The following HSPBAP1 variants were observed in gnomAD, a reference collection of about 807,000 sequenced individuals.
HSPBAP1 encodes the protein HSPB1 associated protein 1, also known as HSPB1-associated protein 1.
Under a neutral mutation model 45.2 loss-of-function variants are expected in HSPBAP1, and 27 were observed. The observed-to-expected ratio is 0.60, with a 90% CI of 0.44 to 0.82. HSPBAP1 has a LOEUF of 0.82. HSPBAP1 is among the 40% of genes least tolerant of loss of function. The pLI, the probability that HSPBAP1 is intolerant of heterozygous loss-of-function variation, is 0.00. For missense variants in HSPBAP1, 510 were observed against 590.9 expected (o/e 0.86, Z 1.42); for synonymous variants, 204 against 202.7 (o/e 1.01, Z -0.06).
At chr3:122,762,512 T>C (rs564400761) in intron 3 of HSPBAP1, among the ~76,000 whole-genome samples, 12 of 152,310 alleles carry the variant, frequency 7.9e-5, no homozygotes, top group African/African-American at 2.4e-4. Context: ...AAGGCTAATA[T>C]TGGGCCTCCC....
At chr3:122,762,349 T>A (rs1934623166) in intron 3 of HSPBAP1, among the ~76,000 whole-genome samples, 1 of 152,066 alleles carries the variant, frequency 6.6e-6, no homozygotes, top group African/African-American at 2.4e-5. Context: ...CTTTACTTTG[T>A]CAACAGCCCT....
In HSPBAP1 at chr3:122,750,960, T is replaced by C. The variant is rs150296265; in HGVS notation, c.825+1631A>G. Among the ~76,000 whole-genome samples, 403 of 152,338 alleles carry C rather than the reference T, an allele frequency of 2.6e-3. 4 individuals are homozygous for C. The highest frequency in any genetic ancestry group is 8.6e-3 in the African/African-American group (357 of 41,578). On this transcript the variant is annotated intron_variant, in intron 6 of 7. Coordinates refer to ENST00000306103, the MANE Select transcript of HSPBAP1 (RefSeq NM_024610.6). Reference sequence around the variant, plus strand: ...CTGGATTTAGAATTAAAATCAGCTTTATAGGTACAGGATAGGATTCAACCT... The same window carrying C: ...CTGGATTTAGAATTAAAATCAGCTTCATAGGTACAGGATAGGATTCAACCT...
chr3:122,755,661 A>T (rs985052213), intron 4 of HSPBAP1, among the ~76,000 whole-genome samples: 31 of 150,846 alleles, frequency 2.1e-4, no homozygotes, highest in Non-Finnish European at 4.0e-4. Flanking sequence ...TGGATGTCTC[A>T]GGACATCCAT....
chr3:122,754,819 G>C, intron 5 of HSPBAP1: 1 of 987,286 alleles, frequency 1.0e-6, no homozygotes, highest in Non-Finnish European at 1.2e-6. Flanking sequence ...AAACATTCTC[G>C]GTTCCTTCTG....
intron 1 of HSPBAP1, among the ~76,000 whole-genome samples, chr3:122,790,361 C>CT (rs1560175269): frequency 6.6e-6 from 1 of 152,190 alleles, no homozygotes; most frequent in Admixed American, 6.5e-5. Context: ...ATTATTTCTA[C>CT]TTTAGTAGAA....
chr3:122,755,130 G>T, intron 5 of HSPBAP1, 130 bp downstream of exon 5: 1 of 1,198,950 alleles, frequency 8.3e-7, no homozygotes, highest in Non-Finnish European at 1.1e-6. Context: ...CCTTCCAACA[G>T]CAGAGCAGAG....
chr3:122,760,557 T>G (rs1251542870), intron 3 of HSPBAP1, among the ~76,000 whole-genome samples: 1 of 151,980 alleles, frequency 6.6e-6, no homozygotes, highest in Non-Finnish European at 1.5e-5. Context: ...TTTTTTTTCA[T>G]TTTTGCTTTG....
intron 2 of HSPBAP1, among the ~76,000 whole-genome samples, chr3:122,774,925 A>G (rs1004251297): frequency 5.3e-5 from 8 of 152,240 alleles, no homozygotes; most frequent in African/African-American, 1.9e-4. Flanking sequence ...CTAGGTATCA[A>G]TCCTAAGGAA....
chr3:122,768,563 T>G, intron 3 of HSPBAP1, 138 bp downstream of exon 3: 1 of 621,264 alleles, frequency 1.6e-6, no homozygotes, highest in East Asian at 2.8e-5. Context: ...TCTTTTGGTT[T>G]GAGTGGGTGA....
chr3:122,746,101 C>T (rs1933837912), intron 6 of HSPBAP1, among the ~76,000 whole-genome samples: 1 of 152,098 alleles, frequency 6.6e-6, no homozygotes, highest in South Asian at 2.1e-4. Context: ...TAAGGAGATA[C>T]TACTGTATTT....
chr3:122,745,869 G>A (rs1933829510), intron 6 of HSPBAP1, among the ~76,000 whole-genome samples: 1 of 152,184 alleles, frequency 6.6e-6, no homozygotes, highest in African/African-American at 2.4e-5. Context: ...ACTGTCAAGA[G>A]AAAAAATTAT....
At chr3:122,782,411 T>C (rs1300914019) in intron 1 of HSPBAP1, among the ~76,000 whole-genome samples, 1 of 152,168 alleles carries the variant, frequency 6.6e-6, no homozygotes, top group East Asian at 1.9e-4. Flanking sequence ...TTTCACAGAA[T>C]CATAAAATAT....
chr3:122,784,193 T>C (rs1447750084), intron 1 of HSPBAP1, among the ~76,000 whole-genome samples: 2 of 152,174 alleles, frequency 1.3e-5, no homozygotes, highest in African/African-American at 4.8e-5. Flanking sequence ...GTGGCATATT[T>C]TGATCCCTAC....
At position 122,777,089 on chromosome 3, in the gene HSPBAP1, G is replaced by A. The variant is rs995534982; in HGVS notation, c.250+632C>T. Among the ~76,000 whole-genome samples, 4 of 152,254 alleles carry A rather than the reference G, an allele frequency of 2.6e-5. No individual in the cohort carries two copies. In the East Asian group the frequency reaches 5.8e-4, roughly 22 times the overall value. On this transcript the variant is annotated intron_variant, in intron 2 of 7. Transcript: ENST00000306103. ...AATTACCTAAATTTTAGAGTTAATG[G>A]TAATTGCTTTATCTGAAAATAGGGC...
intron 3 of HSPBAP1, among the ~76,000 whole-genome samples, chr3:122,765,598 A>G (rs1464869557): frequency 1.4e-5 from 2 of 147,628 alleles, no homozygotes; most frequent in Non-Finnish European, 3.0e-5. Flanking sequence ...AAAAAAAGAG[A>G]AAAAGAAAAA....
chr3:122,778,001 C>G (rs1935246611), intron 1 of HSPBAP1, 95 bp from the exon 2 acceptor site: 3 of 786,428 alleles, frequency 3.8e-6, no homozygotes, highest in Admixed American at 5.2e-5. Context: ...TTTATCATGG[C>G]AAATCATTCT....
intron 1 of HSPBAP1, among the ~76,000 whole-genome samples, chr3:122,783,496 C>A (rs1935557478): frequency 6.6e-6 from 1 of 152,230 alleles, no homozygotes; most frequent in African/African-American, 2.4e-5. Flanking sequence ...CTTAAAGTCT[C>A]TAGCTGAGGC....
intron 6 of HSPBAP1, among the ~76,000 whole-genome samples, chr3:122,749,205 C>T (rs1934039621): frequency 1.3e-5 from 2 of 151,332 alleles, no homozygotes; most frequent in African/African-American, 4.9e-5. Context: ...AATGATAAAC[C>T]AGAAATGAAT....
chr3:122,785,194 A>G (rs11712252), intron 1 of HSPBAP1, among the ~76,000 whole-genome samples: 103,656 of 152,104 alleles, frequency 0.68, 36,032 homozygotes, highest in Non-Finnish European at 0.77. Context: ...CATGTGCTCC[A>G]GGGAGAGAGG....
Sources: allele counts gnomAD v4.1 joint callset (sites outside exome capture counted in the v4.1 genomes callset), GRCh38; gene constraint gnomAD v4.1.1; transcripts MANE v1.5; gene names NCBI Gene and HGNC (gene_info 2026-07-23, HGNC 2026-07-21).